Variants in CBX5 observed in about 807,000 individuals in gnomAD.
The protein encoded by CBX5 is chromobox 5.
Under a neutral mutation model 20.7 loss-of-function variants are expected in CBX5, and 7 were observed. The ratio of observed to expected loss-of-function variants is 0.34; its 90% CI spans 0.19 to 0.63. The LOEUF is 0.63. Among genes scored for constraint, CBX5 ranks in the 30% least tolerant of loss-of-function variants. The pLI is 0.75. For missense variants in CBX5, 110 were observed against 224.1 expected, an observed-to-expected ratio of 0.49 and a Z score of 3.25; for synonymous variants, 78 against 77.0, an observed-to-expected ratio of 1.01 and a Z score of -0.07.
In CBX5 at chr12:54,231,166, AC is replaced by A. The variant is rs1183820938; in HGVS notation, c.*10588del. On this transcript the variant is annotated 3_prime_UTR_variant, in exon 5 of 5. Coordinates refer to ENST00000209875, the MANE Select transcript of CBX5 (RefSeq NM_012117.3). The stretch of plus-strand genomic sequence containing the variant: ...AGCAGACATGTTTGGCTGAAATAAA[AC>A]CAAGAAACACAGCTAAAACTCCCCC... The A allele has an allele frequency of 1.3e-5, 2 of 152,204 alleles. No homozygotes were observed. The highest frequency in any genetic ancestry group is 2.9e-5 in the Non-Finnish European group (2 of 68,034). The allele number at this position is 152,204 out of a possible 1,614,324, so 9.4% of individuals were successfully genotyped here.
chr12:54,278,433 T>C (rs1301587828), intron 1 of CBX5, among the ~76,000 whole-genome samples: 1 of 152,218 alleles, frequency 6.6e-6, no homozygotes, highest in East Asian at 1.9e-4. Flanking sequence ...CTTTTGCTAG[T>C]GCCAGAGAAC....
chr12:54,271,775 A>G (rs2137031284), intron 1 of CBX5: 1 of 152,344 alleles, frequency 6.6e-6, no homozygotes, highest in Admixed American at 6.5e-5. Flanking sequence ...TCTATTATGG[A>G]AAAACAATAG....
rs149513413 is a variant in CBX5 at position 54,243,958 on chromosome 12, A to G, written c.426-2053T>C. 2.8e-4 allele frequency among the ~76,000 whole-genome samples: 42 copies of G among 152,330 alleles called. No homozygotes were observed. The East Asian group carries it at 7.1e-3, about 26-fold the overall frequency. On this transcript the variant is annotated intron_variant, in intron 4 of 4. Coordinates refer to ENST00000209875, the MANE Select transcript of CBX5 (RefSeq NM_012117.3). ...TCAAATACAGGTTTCTGGGTAATTT[A>G]CCAGCAGTACTCTCATCAGATAAAA... is the stretch of plus-strand genomic sequence containing the variant.
intron 1 of CBX5, among the ~76,000 whole-genome samples, chr12:54,261,732 A>T (rs1186228694): frequency 6.6e-6 from 1 of 152,200 alleles, no homozygotes; most frequent in Admixed American, 6.5e-5. Flanking sequence ...CAAACATTTA[A>T]ATAGGATCCT....
intron 1 of CBX5, among the ~76,000 whole-genome samples, chr12:54,267,921 A>G (rs1592163344): frequency 6.6e-6 from 1 of 152,192 alleles, no homozygotes; most frequent in Non-Finnish European, 1.5e-5. Flanking sequence ...AGGCAGGCGG[A>G]TCACTTGAAG....
At position 54,252,231 on chromosome 12, in the gene CBX5, G is replaced by A; in HGVS notation, c.138-4C>T. On this transcript the variant is annotated splice_region_variant and splice_polypyrimidine_tract_variant and intron_variant, in intron 2 of 4. Transcript: ENST00000209875. Reference sequence around the variant, plus strand: ...AGGTTCCCAAGTATTGTGCTCCCTGGGTAAGAAAAATGGGAAAATTAAAAA... The same window carrying A: ...AGGTTCCCAAGTATTGTGCTCCCTGAGTAAGAAAAATGGGAAAATTAAAAA... 1.3e-6 allele frequency: 2 copies of A among 1,527,424 alleles called. No individual in the cohort carries two copies. The highest frequency in any genetic ancestry group is 1.7e-6 in the Non-Finnish European group (2 of 1,144,048). 94.6% of individuals were successfully genotyped at this position (1,527,424 alleles called of 1,614,324 possible). A position where few individuals can be genotyped will look rare whatever the true frequency, so the allele number is the denominator to read the frequency against.
intron 1 of CBX5, among the ~76,000 whole-genome samples, chr12:54,267,799 C>T (rs182062166): frequency 6.8e-4 from 104 of 152,294 alleles, no homozygotes; most frequent in Non-Finnish European, 1.1e-3. Flanking sequence ...GGATTACAGG[C>T]GTGAGCCACA....
chr12:54,277,158 G>C (rs1164445420), intron 1 of CBX5: 1 of 152,116 alleles, frequency 6.6e-6, no homozygotes, highest in Non-Finnish European at 1.5e-5. Flanking sequence ...TCAGCCTCCT[G>C]AGTAGCTGGG....
chr12:54,275,246 G>GT (rs1041275638), intron 1 of CBX5, among the ~76,000 whole-genome samples: 3 of 151,402 alleles, frequency 2.0e-5, no homozygotes, highest in East Asian at 2.0e-4. Context: ...ATGTCTCTAA[G>GT]TTTTTTTTTC....
At chr12:54,259,660 G>T (rs1943896785) in intron 1 of CBX5, 1 of 152,708 alleles carries the variant, frequency 6.5e-6, no homozygotes, top group Admixed American at 6.5e-5. Flanking sequence ...ATAGCAACTG[G>T]CAGCAGTACT....
intron 1 of CBX5, chr12:54,258,278 C>A (rs758464478): frequency 6.6e-6 from 1 of 152,170 alleles, no homozygotes. Context: ...CATCAGCTCA[C>A]AAAAGCAAGG....
At chr12:54,248,087 C>T (rs563685017) in intron 3 of CBX5, among the ~76,000 whole-genome samples, 2 of 152,070 alleles carry the variant, frequency 1.3e-5, no homozygotes, top group South Asian at 4.2e-4. Context: ...GGTGATCCAC[C>T]CTGCCTCGGC....
intron 1 of CBX5, chr12:54,259,286 G>T (rs1943892507): frequency 6.6e-6 from 1 of 152,050 alleles, no homozygotes; most frequent in Non-Finnish European, 1.5e-5. Context: ...ATTTCCGGGA[G>T]CTGAGCAGTT....
rs766276033 is a variant in CBX5 at position 54,264,794 on chromosome 12, G to C, written c.-42-7102C>G. ...GGAGGTAGAGGTTGCAGTGAGCCAA[G>C]ATTGCGCCACTGCACTCTAGCCTGG... On this transcript the variant is annotated intron_variant, in intron 1 of 4. Transcript: ENST00000209875. Among the ~76,000 whole-genome samples the C allele has an allele frequency of 2.6e-5, 4 of 151,794 alleles. No individual in the cohort carries two copies. The East Asian group carries it at 7.7e-4, about 29-fold the overall frequency.
At chr12:54,255,473 CGCTTGAACCCGGGAGGCGGAGGTT>C (rs1248528880) in intron 2 of CBX5, among the ~76,000 whole-genome samples, 1 of 149,282 alleles carries the variant, frequency 6.7e-6, no homozygotes, top group Admixed American at 6.7e-5. Context: ...GCAGGAGAAT[CGCTTGAACCCGGGAGGCGGAGGTT>C]GCAGTGAGCT....
chr12:54,231,056 A>C lies in CBX5; in HGVS notation c.*10699T>G, dbSNP rs1478188687. 1 of 152,236 alleles carries C rather than the reference A, an allele frequency of 6.6e-6. No individual in the cohort carries two copies. The highest frequency in any genetic ancestry group is 1.5e-5 in the Non-Finnish European group (1 of 68,042). 9.4% of individuals were successfully genotyped at this position (152,236 alleles called of 1,614,324 possible). ...TCTGCATCAGATGTCAGTTATGGAAACACATAAATGCTTACTTTTTAAACA... is the reference window on the plus strand; with the variant it reads ...TCTGCATCAGATGTCAGTTATGGAACCACATAAATGCTTACTTTTTAAACA... On this transcript the variant is annotated 3_prime_UTR_variant, in exon 5 of 5. Transcript: ENST00000209875.
chr12:54,268,633 G>C (rs1202728449), intron 1 of CBX5, among the ~76,000 whole-genome samples: 1 of 152,224 alleles, frequency 6.6e-6, no homozygotes, highest in African/African-American at 2.4e-5. Context: ...GGCCTAAAAA[G>C]TGTCAAGCAT....
intron 2 of CBX5, among the ~76,000 whole-genome samples, 153 bp downstream of exon 2, chr12:54,257,361 G>T (rs1374351537): frequency 1.3e-5 from 2 of 152,188 alleles, no homozygotes; most frequent in African/African-American, 4.8e-5. Context: ...CAAGCGGAGA[G>T]ATTTTGTTTT....
intron 1 of CBX5, chr12:54,259,680 G>C (rs914985262): frequency 6.5e-6 from 1 of 152,700 alleles, no homozygotes; most frequent in Non-Finnish European, 1.5e-5. Flanking sequence ...TACACTAAGG[G>C]GGAGAAGCAA....
Sources: allele counts gnomAD v4.1 joint callset (sites outside exome capture counted in the v4.1 genomes callset), GRCh38; gene constraint gnomAD v4.1.1; transcripts MANE v1.5; gene names NCBI Gene and HGNC (gene_info 2026-07-23, HGNC 2026-07-21).